Variants in ZNF780B observed in about 807,000 individuals in gnomAD.
The protein encoded by ZNF780B is zinc finger protein 780B.
ZNF780B carries 52 observed loss-of-function variants against 74.1 expected under a neutral mutation model. That is an observed-to-expected ratio of 0.70 (90% CI 0.56 to 0.88). ZNF780B has a LOEUF of 0.88. Among genes scored for constraint, ZNF780B ranks in the 40% least tolerant of loss-of-function variants. The pLI is 0.00. For synonymous variants in ZNF780B, 315 were observed against 324.3 expected (o/e 0.97, Z 0.31); for missense variants, 953 against 1,007.6 (o/e 0.95, Z 0.73).
intron 4 of ZNF780B, among the ~76,000 whole-genome samples, chr19:40,037,098 A>G (rs1272533646): frequency 6.6e-6 from 1 of 152,032 alleles, no homozygotes; most frequent in Non-Finnish European, 1.5e-5. Flanking sequence ...TATTTTTAGT[A>G]GAGACGAGGT....
rs1972059476 is a variant in ZNF780B at position 40,032,847 on chromosome 19, G to C, written c.*1510C>G. Reference sequence around the variant, plus strand: ...TCCTTAAGGGTAATTATGGTACTATGGTTATATGATATTGTCTTTATGTTT... The same window carrying C: ...TCCTTAAGGGTAATTATGGTACTATCGTTATATGATATTGTCTTTATGTTT... On this transcript the variant is annotated 3_prime_UTR_variant, in exon 5 of 5. Transcript: ENST00000434248. 6.5e-6 allele frequency: 1 copy of C among 153,584 alleles called. No homozygotes were observed. Among genetic ancestry groups the C allele is most frequent in the Admixed American group, 6.6e-5 (1 of 15,266 alleles). The allele number at this position is 153,584 out of a possible 1,614,324, so 9.5% of individuals were successfully genotyped here. A position where few individuals can be genotyped will look rare whatever the true frequency, so the allele number is the denominator to read the frequency against.
At position 40,038,406 on chromosome 19, in the gene ZNF780B, T is replaced by G. The variant is rs376869199; in HGVS notation, c.233-1780A>C. ...GCATGTGTCTTTATAGCAGCATGAT[T>G]TATAATCCTTTAGGTATATACACAG... On this transcript the variant is annotated intron_variant, in intron 4 of 4. Transcript: ENST00000434248. 5.9e-5 allele frequency among the ~76,000 whole-genome samples: 9 copies of G among 152,236 alleles called. No individual in the cohort carries two copies. In the East Asian group the frequency reaches 7.7e-4, roughly 13 times the overall value.
intron 2 of ZNF780B, chr19:40,049,069 A>G (rs1973081324): frequency 2.6e-6 from 1 of 388,336 alleles, no homozygotes; most frequent in Non-Finnish European, 4.7e-6. Flanking sequence ...GGAAAAAAAA[A>G]AAAAAGAAAG....
chr19:40,034,778 G>T lies in ZNF780B; in HGVS notation c.2081C>A (p.Ala694Glu). 7 of 1,612,502 alleles carry T rather than the reference G, an allele frequency of 4.3e-6. No individual in the cohort carries two copies. Among genetic ancestry groups the T allele is most frequent in the Non-Finnish European group, 5.1e-6 (6 of 1,179,666 alleles). Residue 694 changes from alanine (A) to glutamate (E), a missense_variant, in exon 5 of 5, where the codon GCG (alanine) becomes GAG (glutamate). By Grantham distance (107) the Ala-to-Glu change is moderately radical. Coordinates refer to ENST00000434248, the MANE Select transcript of ZNF780B (RefSeq NM_001005851.3). ...LIQHQKTHSS[A>E]KPFVCKECRK... ...ACACTCCTTACATACAAAGGGTTTCGCACTGGAATGAGTTTTCTGATGCTG... is the reference window on the plus strand; with the variant it reads ...ACACTCCTTACATACAAAGGGTTTCTCACTGGAATGAGTTTTCTGATGCTG...
At chr19:40,050,924 A>G (rs1452694267) in intron 1 of ZNF780B, among the ~76,000 whole-genome samples, 2 of 152,344 alleles carry the variant, frequency 1.3e-5, no homozygotes, top group East Asian at 3.9e-4. Flanking sequence ...ACAGTTCAGA[A>G]TAGCCATGTA....
chr19:40,051,227 CACACACATATAT>C lies in ZNF780B; in HGVS notation c.-45-862_-45-851del, dbSNP rs1318504333. On this transcript the variant is annotated intron_variant, in intron 1 of 4. Transcript: ENST00000434248. ...ATAATTATATTCACACACACACACACACACACATATATACACACATATACACATGTGTATGTA... is the reference window on the plus strand; with the variant it reads ...ATAATTATATTCACACACACACACACACACACATATACACATGTGTATGTA... Among the ~76,000 whole-genome samples, 35 of 149,430 alleles carry C rather than the reference CACACACATATAT, an allele frequency of 2.3e-4. No individual in the cohort carries two copies. The South Asian group carries it at 6.3e-3, about 27-fold the overall frequency.
At chr19:40,052,553 T>G (rs1256030979) in intron 1 of ZNF780B, among the ~76,000 whole-genome samples, 1 of 151,714 alleles carries the variant, frequency 6.6e-6, no homozygotes, top group Non-Finnish European at 1.5e-5. Flanking sequence ...AGAATTTCAG[T>G]CCTACATTCT....
At chr19:40,039,278 T>C (rs1489615837) in intron 4 of ZNF780B, among the ~76,000 whole-genome samples, 1 of 152,258 alleles carries the variant, frequency 6.6e-6, no homozygotes, top group Non-Finnish European at 1.5e-5. Flanking sequence ...TATATCTCTG[T>C]TTTGGTAACA....
At chr19:40,052,551 A>G (rs1973280756) in intron 1 of ZNF780B, among the ~76,000 whole-genome samples, 1 of 152,138 alleles carries the variant, frequency 6.6e-6, no homozygotes, top group Admixed American at 6.6e-5. Flanking sequence ...TAAGAATTTC[A>G]GTCCTACATT....
At chr19:40,053,648 G>A (rs1331938800) in intron 1 of ZNF780B, among the ~76,000 whole-genome samples, 1 of 152,094 alleles carries the variant, frequency 6.6e-6, no homozygotes, top group Non-Finnish European at 1.5e-5. Flanking sequence ...GCCAAGATAT[G>A]GAATCAATCT....
rs1175411190 is a variant in ZNF780B at position 40,035,008 on chromosome 19, T to A, written c.1851A>T (p.Glu617Asp). ...HTGEKPFECK[E>D]CGKAFSLHTQ... ...TGTGAAGACTGAAGGCCTTGCCACA[T>A]TCCTTACATTCAAAGGGCTTCTCAC... The change falls in exon 5 of 5, where the codon GAA (glutamate) becomes GAT (aspartate). Residue 617 changes from glutamate (E) to aspartate (D), a missense_variant. Glu to Asp is a conservative substitution (Grantham distance 45, BLOSUM62 2). Transcript: ENST00000434248. The A allele has an allele frequency of 1.9e-6, 3 of 1,613,456 alleles. No individual in the cohort carries two copies. Among genetic ancestry groups the A allele is most frequent in the East Asian group, 4.5e-5 (2 of 44,820 alleles).
At chr19:40,041,735 C>CT (rs1392884442) in intron 4 of ZNF780B, among the ~76,000 whole-genome samples, 2 of 150,800 alleles carry the variant, frequency 1.3e-5, no homozygotes, top group Non-Finnish European at 3.0e-5. Flanking sequence ...CAACCCCTGC[C>CT]TTTTTTTGTT....
rs372030681 is a variant in ZNF780B, at chr19:40,029,175, A to G, written c.*5182T>C. 9 of 152,338 alleles carry G rather than the reference A, an allele frequency of 5.9e-5. No individual in the cohort carries two copies. In the East Asian group the frequency reaches 1.7e-3, roughly 29 times the overall value. 9.4% of individuals were successfully genotyped at this position (152,338 alleles called of 1,614,324 possible). On this transcript the variant is annotated 3_prime_UTR_variant, in exon 5 of 5. Transcript: ENST00000434248. ...CATTGAAATGGAATGGTATTCTGGA[A>G]ATTAAGACACACAGGTCCGTTATCC...
intron 1 of ZNF780B, among the ~76,000 whole-genome samples, chr19:40,055,263 C>A (rs1416452934): frequency 1.1e-5 from 1 of 90,674 alleles, no homozygotes; most frequent in East Asian, 3.3e-4. Flanking sequence ...GGGGAGCGGG[C>A]GGGGTGGGGA....
chr19:40,047,295 C>T, intron 4 of ZNF780B, 80 bp downstream of exon 4: 1 of 1,259,700 alleles, frequency 7.9e-7, no homozygotes, highest in Non-Finnish European at 1.2e-6. Flanking sequence ...AACCACATCT[C>T]AGGGGTGTGA....
rs776382699 is a variant in ZNF780B, at chr19:40,034,722, T to G, written c.2137A>C (p.Thr713Pro). Reference sequence around the variant, plus strand: ...CCAGTATGAATTCGGTAATGTTCAGTAAGCTGGTAATGATATCTAAAGGTC... The same window carrying G: ...CCAGTATGAATTCGGTAATGTTCAGGAAGCTGGTAATGATATCTAAAGGTC... ...RKTFRYHYQLTEHYRIHTGEK... is the reference protein window; with the variant it reads ...RKTFRYHYQLPEHYRIHTGEK... Residue 713 changes from threonine to proline, a missense_variant, in exon 5 of 5, where the codon ACT (threonine) becomes CCT (proline). By Grantham distance (38) the Thr-to-Pro change is conservative. Coordinates refer to ENST00000434248, the MANE Select transcript of ZNF780B (RefSeq NM_001005851.3). 2.5e-6 allele frequency: 4 copies of G among 1,613,952 alleles called. No homozygotes were observed. The South Asian group carries it at 3.3e-5, about 13-fold the overall frequency.
intron 4 of ZNF780B, among the ~76,000 whole-genome samples, chr19:40,043,022 T>C (rs1972728481): frequency 6.6e-6 from 1 of 152,174 alleles, no homozygotes; most frequent in Non-Finnish European, 1.5e-5. Flanking sequence ...TTTTTCCCCA[T>C]CTTTGTGGTT....
chr19:40,035,925 T>A lies in ZNF780B; in HGVS notation c.934A>T (p.Met312Leu). The change falls in exon 5 of 5, where the codon ATG (methionine) becomes TTG (leucine). Residue 312 changes from methionine (M) to leucine (L), a missense_variant. By Grantham distance (15) the Met-to-Leu change is conservative (BLOSUM62 2). Coordinates refer to ENST00000434248, the MANE Select transcript of ZNF780B (RefSeq NM_001005851.3). ...EKPFVCRECE[M>L]AFRYHYQLIE... The stretch of plus-strand genomic sequence containing the variant: ...AGTTGGTAATGATATCGAAAGGCCA[T>A]CTCACATTCCCTACATACAAAGGGT... The A allele has an allele frequency of 6.2e-7, 1 of 1,613,808 alleles. No homozygotes were observed.
At position 40,028,337 on chromosome 19, in the gene ZNF780B, T is replaced by C. The variant is rs1971934558; in HGVS notation, c.*6020A>G. On this transcript the variant is annotated 3_prime_UTR_variant, in exon 5 of 5. Transcript: ENST00000434248. ...TCTACCATCCAGAAGTGGAACTACA[T>C]ATAGTCATTTAACAATAGTTTAGCA... 1 of 152,182 alleles carries C rather than the reference T, an allele frequency of 6.6e-6. No individual in the cohort carries two copies. Among genetic ancestry groups the C allele is most frequent in the Admixed American group, 6.5e-5 (1 of 15,280 alleles). The allele number at this position is 152,182 out of a possible 1,614,324, so 9.4% of individuals were successfully genotyped here. A position where few individuals can be genotyped will look rare whatever the true frequency, so the allele number is the denominator to read the frequency against.
Sources: allele counts gnomAD v4.1 joint callset (sites outside exome capture counted in the v4.1 genomes callset), GRCh38; gene constraint gnomAD v4.1.1; transcripts MANE v1.5; gene names NCBI Gene and HGNC (gene_info 2026-07-23, HGNC 2026-07-21).